FAM177B: variants seen among roughly 807,000 people sequenced by gnomAD.
FAM177B encodes protein FAM177B.
A neutral mutation model predicts 16.1 loss-of-function variants in FAM177B; 16 were observed. The ratio of observed to expected loss-of-function variants is 0.99; its 90% CI spans 0.67 to 1.51. The LOEUF (loss-of-function observed/expected upper bound fraction) is 1.51. Among genes scored for constraint, FAM177B ranks in the 40% most tolerant of loss-of-function variants. The pLI is 0.00. For missense variants in FAM177B, 178 were observed against 183.7 expected, an observed-to-expected ratio of 0.97 and a Z score of 0.18; for synonymous variants, 56 against 59.9, an observed-to-expected ratio of 0.93 and a Z score of 0.30.
At chr1:222,747,790 C>A (rs571274076) in intron 4 of FAM177B, among the ~76,000 whole-genome samples, 99 of 152,298 alleles carry the variant, frequency 6.5e-4, no homozygotes, top group African/African-American at 2.1e-3. Flanking sequence ...TAGTAAGTGT[C>A]TACTATATGC....
intron 4 of FAM177B, among the ~76,000 whole-genome samples, chr1:222,748,465 T>C (rs1295204276): frequency 1.3e-5 from 2 of 152,082 alleles, no homozygotes; most frequent in Non-Finnish European, 2.9e-5. Flanking sequence ...AGAACTGCAG[T>C]GGTAAAATGC....
intron 2 of FAM177B, among the ~76,000 whole-genome samples, chr1:222,741,430 T>A (rs1658526993): frequency 6.6e-6 from 1 of 152,160 alleles, no homozygotes; most frequent in Non-Finnish European, 1.5e-5. Context: ...CTATTATTAA[T>A]CTTTCAATAA....
chr1:222,750,157 T>C lies in FAM177B; in HGVS notation c.*99T>C, dbSNP rs1658990955. ...TCTGTTCCTTGGCCATTGATTACCA[T>C]GGCAACAACACCAGAGGTAGCACTT... On this transcript the variant is annotated 3_prime_UTR_variant, in exon 6 of 6. Transcript: ENST00000445590. 4 of 1,531,772 alleles carry C rather than the reference T, an allele frequency of 2.6e-6. No individual in the cohort carries two copies. The East Asian group carries it at 6.8e-5, about 26-fold the overall frequency. 94.9% of individuals were successfully genotyped at this position (1,531,772 alleles called of 1,614,324 possible).
At chr1:222,741,584 G>A (rs1300937718) in intron 2 of FAM177B, among the ~76,000 whole-genome samples, 1 of 150,510 alleles carries the variant, frequency 6.6e-6, no homozygotes, top group Non-Finnish European at 1.5e-5. Context: ...CTAGAGTGCA[G>A]TGGCACAATC....
Position 222,750,347 on chromosome 1 carries a change from T to C in FAM177B, c.*289T>C. On this transcript the variant is annotated 3_prime_UTR_variant, in exon 6 of 6. Transcript: ENST00000445590. ...GATACAAGTCCCATGAGTACTGACA[T>C]TTGCACAGTAGCATAAATGCCTTAA... 2.6e-6 allele frequency: 3 copies of C among 1,150,244 alleles called. No homozygotes were observed. Among genetic ancestry groups the C allele is most frequent in the Non-Finnish European group, 2.1e-6 (2 of 935,560 alleles). The allele number at this position is 1,150,244 out of a possible 1,614,324, so 71.3% of individuals were successfully genotyped here.
At chr1:222,741,729 C>T (rs376337740) in intron 2 of FAM177B, among the ~76,000 whole-genome samples, 8 of 142,188 alleles carry the variant, frequency 5.6e-5, no homozygotes, top group Non-Finnish European at 7.6e-5. Context: ...CCTTCCTTCC[C>T]TCCCTCCCTC....
At chr1:222,749,830 A>C (rs1038243815) in intron 5 of FAM177B, 91 bp from the exon 6 acceptor site, 1 of 1,346,412 alleles carries the variant, frequency 7.4e-7, no homozygotes, top group African/African-American at 1.5e-5. Flanking sequence ...CTTAAAGTAG[A>C]AGCTTCTTAC....
At chr1:222,745,879 A>C (rs1465628264) in intron 2 of FAM177B, among the ~76,000 whole-genome samples, 1 of 152,212 alleles carries the variant, frequency 6.6e-6, no homozygotes, top group Non-Finnish European at 1.5e-5. Context: ...ACGCCATTGC[A>C]CTCCAGCCTG....
At chr1:222,744,941 A>G (rs924153842) in intron 2 of FAM177B, among the ~76,000 whole-genome samples, 1 of 152,154 alleles carries the variant, frequency 6.6e-6, no homozygotes, top group African/African-American at 2.4e-5. Context: ...TTTATAGTTA[A>G]TCTTAACCCC....
At chr1:222,747,215 TC>T (rs1658841451) in intron 4 of FAM177B, 134 bp downstream of exon 4, 2 of 653,118 alleles carry the variant, frequency 3.1e-6, no homozygotes, top group Admixed American at 2.6e-5. Context: ...GGCTAAGCTT[TC>T]ATTCCCAAAG....
At position 222,741,842 on chromosome 1, in the gene FAM177B, TTTCC is replaced by T. The variant is rs374563470; in HGVS notation, c.-16+3836_-16+3839del. Reference sequence around the variant, plus strand: ...TTCTTTCTTTTTTCTTTCTTTCTTTTTTCCTTCCTTCCTTCCTTTCTTCTTTCTT... The same window carrying T: ...TTCTTTCTTTTTTCTTTCTTTCTTTTTTCCTTCCTTCCTTTCTTCTTTCTT... On this transcript the variant is annotated intron_variant, in intron 2 of 5. Transcript: ENST00000445590. Among the ~76,000 whole-genome samples, 1,156 of 144,860 alleles carry T rather than the reference TTTCC, an allele frequency of 8.0e-3. 10 individuals are homozygous for T. Among genetic ancestry groups the T allele is most frequent in the African/African-American group, 0.029 (1,096 of 38,174 alleles).
At chr1:222,747,961 A>C (rs1330785689) in intron 4 of FAM177B, among the ~76,000 whole-genome samples, 1 of 152,166 alleles carries the variant, frequency 6.6e-6, no homozygotes, top group African/African-American at 2.4e-5. Flanking sequence ...TCTGACCTGG[A>C]AGACTCGGGC....
At chr1:222,738,116 A>G (rs1235934304) in intron 2 of FAM177B, 95 bp downstream of exon 2, 1 of 152,200 alleles carries the variant, frequency 6.6e-6, no homozygotes, top group Non-Finnish European at 1.5e-5. Context: ...TGAGATGTCC[A>G]TTAGACAACT....
intron 2 of FAM177B, among the ~76,000 whole-genome samples, chr1:222,738,862 C>T (rs1658404277): frequency 6.6e-6 from 1 of 152,122 alleles, no homozygotes; most frequent in Non-Finnish European, 1.5e-5. Context: ...CTAAAATGCC[C>T]ATTAGGTGGC....
chr1:222,750,716 C>A lies in FAM177B; in HGVS notation c.*658C>A. On this transcript the variant is annotated 3_prime_UTR_variant, in exon 6 of 6. Transcript: ENST00000445590. ...TTATTTGTCAAGAAATTTTCAAAAC[C>A]TGGAAAGATCGAACATGGAAATCAT... 1 of 391,214 alleles carries A rather than the reference C, an allele frequency of 2.6e-6. No individual in the cohort carries two copies. Among genetic ancestry groups the A allele is most frequent in the Non-Finnish European group, 3.5e-6 (1 of 287,568 alleles). 24.2% of individuals were successfully genotyped at this position (391,214 alleles called of 1,614,324 possible). A position where few individuals can be genotyped will look rare whatever the true frequency, so the allele number is the denominator to read the frequency against.
Position 222,746,671 on chromosome 1 carries a change from G to GGAGGAA in FAM177B, c.133_138dup (p.Glu45_Glu46dup), listed in dbSNP as rs766889802. 2 of 1,613,798 alleles carry GGAGGAA rather than the reference G, an allele frequency of 1.2e-6. No individual in the cohort carries two copies. The highest frequency in any genetic ancestry group is 3.3e-5 in the Admixed American group (2 of 60,014). ...TGGAAGAATATAGCACAGAGGAGGA[G>GGAGGAA]GAGGAAGAGGAAAAGGAGGAGCAGA... On this transcript the variant is annotated inframe_insertion, in exon 3 of 6. Transcript: ENST00000445590.
At chr1:222,743,523 T>C (rs1658646997) in intron 2 of FAM177B, among the ~76,000 whole-genome samples, 1 of 152,154 alleles carries the variant, frequency 6.6e-6, no homozygotes, top group South Asian at 2.1e-4. Flanking sequence ...AAGGTGACTT[T>C]GTACTTGGCG....
intron 4 of FAM177B, chr1:222,748,832 T>A: frequency 2.9e-6 from 1 of 344,664 alleles, no homozygotes; most frequent in Non-Finnish European, 5.8e-6. Flanking sequence ...CAGAAAGTCC[T>A]ATAATTCAGG....
chr1:222,738,273 G>C (rs1658376065), intron 2 of FAM177B, among the ~76,000 whole-genome samples: 1 of 152,154 alleles, frequency 6.6e-6, no homozygotes, highest in Non-Finnish European at 1.5e-5. Flanking sequence ...AGATAGGAAA[G>C]AGAAGAGGTC....
Sources: allele counts gnomAD v4.1 joint callset (sites outside exome capture counted in the v4.1 genomes callset), GRCh38; gene constraint gnomAD v4.1.1; transcripts MANE v1.5; gene names NCBI Gene and HGNC (gene_info 2026-07-23, HGNC 2026-07-21).